The following TBC1D30 variants were observed in gnomAD, a reference collection of about 807,000 sequenced individuals.
TBC1D30 encodes the protein TBC1 domain family, member 30.
TBC1D30 carries 31 observed loss-of-function variants against 63.2 expected under a neutral mutation model. The ratio of observed to expected loss-of-function variants is 0.49; its 90% CI spans 0.37 to 0.66. TBC1D30 has a LOEUF of 0.66. Ranked by LOEUF, TBC1D30 falls within the 30% of genes least tolerant of loss-of-function variation. The probability of loss-of-function intolerance (pLI) is 0.00; values close to 1 mark genes in which losing one functional copy is unlikely to be tolerated. For synonymous variants in TBC1D30, 307 were observed against 361.5 expected, an observed-to-expected ratio of 0.85 and a Z score of 1.71; for missense variants, 810 against 953.6, an observed-to-expected ratio of 0.85 and a Z score of 1.98.
chr12:64,832,358 T>C (rs1874946851), intron 5 of TBC1D30, 54 bp downstream of exon 5: 1 of 1,484,268 alleles, frequency 6.7e-7, no homozygotes. Context: ...AGTGAGAAAT[T>C]GGAACCATAA....
intron 7 of TBC1D30, among the ~76,000 whole-genome samples, chr12:64,843,062 C>T (rs1451574479): frequency 2.6e-5 from 4 of 152,234 alleles, no homozygotes; most frequent in African/African-American, 9.6e-5. Flanking sequence ...GGCTGGATTG[C>T]AGTGGTGCTA....
chr12:64,778,191 C>T (rs1871136192), upstream of TBC1D30, among the ~76,000 whole-genome samples: 1 of 152,162 alleles, frequency 6.6e-6, no homozygotes, highest in African/African-American at 2.4e-5. Flanking sequence ...ATTATATTTA[C>T]TAAAGTTAAC....
chr12:64,806,316 A>G (rs1872867470), intron 2 of TBC1D30, among the ~76,000 whole-genome samples: 3 of 152,238 alleles, frequency 2.0e-5, no homozygotes, highest in Non-Finnish European at 4.4e-5. Context: ...GAGTGATTAA[A>G]TGAAGTGACT....
intron 11 of TBC1D30, among the ~76,000 whole-genome samples, chr12:64,873,200 A>C (rs1878789225): frequency 6.6e-6 from 1 of 152,164 alleles, no homozygotes; most frequent in South Asian, 2.1e-4. Flanking sequence ...GAGGATGGGA[A>C]ATAGAGGCCT....
intron 8 of TBC1D30, among the ~76,000 whole-genome samples, chr12:64,855,268 A>G (rs1432385072): frequency 2.6e-5 from 4 of 151,232 alleles, no homozygotes; most frequent in Non-Finnish European, 5.9e-5. Flanking sequence ...TTTACCCTTG[A>G]CCTTTGAGAG....
intron 2 of TBC1D30, among the ~76,000 whole-genome samples, chr12:64,798,939 A>C (rs1207532128): frequency 6.6e-6 from 1 of 151,222 alleles, no homozygotes. Flanking sequence ...CAGCCTCCCG[A>C]GTAGCTGGGA....
At position 64,875,695 on chromosome 12, in the gene TBC1D30, C is replaced by T. The variant is rs1471265265; in HGVS notation, c.2193C>T (p.Gly731=). The part of the protein sequence containing the change: ...SATARNLGLY[G]PTERTPTVHF... ...CTGCCAGGAACTTGGGATTATATGG[C>T]CCTACAGAAAGAACCCCAACTGTGC... The change falls in exon 12 of 12, where the codon GGC becomes GGT. Residue 731 remains glycine (G), a synonymous_variant. Coordinates refer to ENST00000539867, the MANE Select transcript of TBC1D30 (RefSeq NM_015279.2). 6.5e-7 allele frequency: 1 copy of T among 1,536,562 alleles called. No homozygotes were observed. Among genetic ancestry groups the T allele is most frequent in the Admixed American group, 2.0e-5 (1 of 51,000 alleles).
chr12:64,844,960 A>G (rs1162490201), intron 8 of TBC1D30, among the ~76,000 whole-genome samples: 1 of 152,110 alleles, frequency 6.6e-6, no homozygotes, highest in Non-Finnish European at 1.5e-5. Flanking sequence ...TCTTCTTTTT[A>G]TGGCTGAATA....
At chr12:64,870,481 T>C in intron 10 of TBC1D30, 121 bp from the exon 11 acceptor site, 1 of 766,964 alleles carries the variant, frequency 1.3e-6, no homozygotes, top group Non-Finnish European at 2.1e-6. Context: ...ATGCGTTTTT[T>C]TCTGTGGTTT....
chr12:64,787,241 C>A, intron 2 of TBC1D30: 2 of 270,910 alleles, frequency 7.4e-6, no homozygotes, highest in Non-Finnish European at 1.1e-5. Context: ...TGCTGATACA[C>A]ATTAAATACT....
At position 64,832,416 on chromosome 12, in the gene TBC1D30, T is replaced by G. The variant is rs1193046767; in HGVS notation, c.594+112T>G. The stretch of plus-strand genomic sequence containing the variant: ...CCTTTTCCAAGGTGTTTGCCACACC[T>G]TTGTAATGACCTATGATAGCATTTC... On this transcript the variant is annotated intron_variant, in intron 5 of 11. Coordinates refer to ENST00000539867, the MANE Select transcript of TBC1D30 (RefSeq NM_015279.2). The G allele has an allele frequency of 2.2e-5, 24 of 1,072,108 alleles. No homozygotes were observed. In the Admixed American group the frequency reaches 4.4e-4, roughly 20 times the overall value. The allele number at this position is 1,072,108 out of a possible 1,614,324, so 66.4% of individuals were successfully genotyped here.
chr12:64,818,500 C>T (rs972693881), intron 2 of TBC1D30: 16 of 675,224 alleles, frequency 2.4e-5, no homozygotes, highest in Non-Finnish European at 2.6e-5. Flanking sequence ...AATGCAGTGG[C>T]GCAATCCTGG....
intron 7 of TBC1D30, among the ~76,000 whole-genome samples, chr12:64,841,797 C>A (rs1360718773): frequency 6.6e-6 from 1 of 152,232 alleles, no homozygotes; most frequent in Non-Finnish European, 1.5e-5. Context: ...CCTTACCTCC[C>A]AGGGTAAACT....
At chr12:64,802,787 GTT>G (rs1872656991) in intron 2 of TBC1D30, among the ~76,000 whole-genome samples, 1 of 152,000 alleles carries the variant, frequency 6.6e-6, no homozygotes, top group Non-Finnish European at 1.5e-5. Flanking sequence ...GAGAATGATG[GTT>G]TCCAGCTTCA....
At chr12:64,780,646 G>T (rs112261874) in exon 1 of TBC1D30, among the ~76,000 whole-genome samples, 28 of 152,282 alleles carry the variant, frequency 1.8e-4, no homozygotes, top group African/African-American at 6.3e-4. Context: ...CGGCTCAGGT[G>T]CCGGCTCGGG....
At position 64,824,848 on chromosome 12, in the gene TBC1D30, G is replaced by C; in HGVS notation, c.-32G>C. 6.5e-7 allele frequency: 1 copy of C among 1,529,218 alleles called. No individual in the cohort carries two copies. The highest frequency in any genetic ancestry group is 1.2e-5 in the South Asian group (1 of 83,276). 94.7% of individuals were successfully genotyped at this position (1,529,218 alleles called of 1,614,324 possible). A position where few individuals can be genotyped will look rare whatever the true frequency, so the allele number is the denominator to read the frequency against. On this transcript the variant is annotated 5_prime_UTR_variant, in exon 1 of 12. Transcript: ENST00000539867. ...TGGGGTAGCGGGGACCGAGACGGAC[G>C]GTAGCCGTGCCAGAGCCCGGGGCGC... is the stretch of plus-strand genomic sequence containing the variant.
upstream of TBC1D30, among the ~76,000 whole-genome samples, chr12:64,823,716 T>C (rs867600400): frequency 3.3e-5 from 5 of 152,178 alleles, no homozygotes; most frequent in Admixed American, 6.5e-5. Flanking sequence ...CCTCAAACTC[T>C]TGGGGCTAAG....
intron 8 of TBC1D30, among the ~76,000 whole-genome samples, chr12:64,863,534 G>A (rs1877967076): frequency 6.6e-6 from 1 of 152,228 alleles, no homozygotes; most frequent in Non-Finnish European, 1.5e-5. Flanking sequence ...GCTTTGCACA[G>A]TAAGCGTGGA....
rs1879113506 is a variant in TBC1D30 at position 64,876,739 on chromosome 12, G to A, written c.*951G>A. 8.8e-6 allele frequency: 4 copies of A among 453,468 alleles called. No individual in the cohort carries two copies. The East Asian group carries it at 2.8e-4, about 32-fold the overall frequency. The allele number at this position is 453,468 out of a possible 1,614,324, so 28.1% of individuals were successfully genotyped here. ...ACTTGAATTTTGTGCTTTTTGATTG[G>A]AGTCCTTTGTTGAGTACTTTGTTAA... On this transcript the variant is annotated 3_prime_UTR_variant, in exon 12 of 12. Transcript: ENST00000539867.
Sources: allele counts gnomAD v4.1 joint callset (sites outside exome capture counted in the v4.1 genomes callset), GRCh38; gene constraint gnomAD v4.1.1; transcripts MANE v1.5; gene names NCBI Gene and HGNC (gene_info 2026-07-23, HGNC 2026-07-21).